SLC35D4: variants seen among roughly 807,000 people sequenced by gnomAD.
SLC35D4 encodes UDP-N-acetylglucosamine transporter SLC35D4.
the SLC35D4 span, among the ~76,000 whole-genome samples, chr18:23,372,737 GC>G: frequency 6.6e-6 from 1 of 152,078 alleles, no homozygotes; most frequent in Non-Finnish European, 1.5e-5. Flanking sequence ...CAGAGCCCTG[GC>G]CCCCCTGTGT....
At chr18:23,305,092 T>C in the SLC35D4 span, among the ~76,000 whole-genome samples, 1 of 152,228 alleles carries the variant, frequency 6.6e-6, no homozygotes, top group African/African-American at 2.4e-5. Context: ...GTTTAACTGA[T>C]TGATATTATG....
the SLC35D4 span, among the ~76,000 whole-genome samples, chr18:23,399,366 C>T: frequency 1.3e-5 from 2 of 152,248 alleles, no homozygotes; most frequent in Non-Finnish European, 2.9e-5. Context: ...TTCTGCTTCT[C>T]CCTGTGCATC....
the SLC35D4 span, among the ~76,000 whole-genome samples, chr18:23,301,986 T>C: frequency 6.6e-6 from 1 of 152,354 alleles, no homozygotes; most frequent in South Asian, 2.1e-4. Context: ...TTAAAAATAT[T>C]GAGTACTTCG....
chr18:23,266,915 T>G, the SLC35D4 span, among the ~76,000 whole-genome samples: 1 of 152,236 alleles, frequency 6.6e-6, no homozygotes, highest in Non-Finnish European at 1.5e-5. Context: ...GAGTGACTCC[T>G]GGTTCGCTGA....
chr18:23,286,803 G>A, the SLC35D4 span, among the ~76,000 whole-genome samples: 3 of 151,978 alleles, frequency 2.0e-5, no homozygotes, highest in African/African-American at 4.8e-5. Context: ...CACCTGCCCA[G>A]TTCCCTTATT....
At chr18:23,383,178 T>C in the SLC35D4 span, among the ~76,000 whole-genome samples, 5 of 151,982 alleles carry the variant, frequency 3.3e-5, no homozygotes, top group African/African-American at 1.2e-4. Context: ...GCAGGAGGTA[T>C]GGGCTGGAGA....
the SLC35D4 span, among the ~76,000 whole-genome samples, chr18:23,310,452 G>T: frequency 1.3e-5 from 2 of 152,160 alleles, no homozygotes; most frequent in African/African-American, 2.4e-5. Context: ...CCAAGAGAGT[G>T]TGTGAACCAG....
At chr18:23,275,256 C>T in the SLC35D4 span, among the ~76,000 whole-genome samples, 2 of 152,100 alleles carry the variant, frequency 1.3e-5, no homozygotes, top group Non-Finnish European at 1.5e-5. Context: ...GGCCAGGCTG[C>T]CAACAGACCT....
the SLC35D4 span, among the ~76,000 whole-genome samples, chr18:23,404,959 C>G: frequency 1.4e-5 from 2 of 140,280 alleles, no homozygotes; most frequent in Non-Finnish European, 3.0e-5. Context: ...GCTCTCCTCT[C>G]CAGCCTGGGG....
chr18:23,384,419 C>G, the SLC35D4 span, among the ~76,000 whole-genome samples: 147,754 of 152,316 alleles, frequency 0.97, 71,821 homozygotes, highest in East Asian at 1. Flanking sequence ...ACTAATTGTT[C>G]CTGATGTGCA....
chr18:23,327,322 AAG>A, the SLC35D4 span, among the ~76,000 whole-genome samples: 1 of 152,166 alleles, frequency 6.6e-6, no homozygotes, highest in East Asian at 1.9e-4. Context: ...TAAAGAAGAA[AAG>A]AGAGAAGAAT....
the SLC35D4 span, among the ~76,000 whole-genome samples, chr18:23,323,300 T>C: frequency 5.9e-5 from 9 of 152,266 alleles, no homozygotes; most frequent in Admixed American, 1.3e-4. Flanking sequence ...GTAATGGAGG[T>C]GAAAGAATAG....
chr18:23,315,579 A>G, the SLC35D4 span, among the ~76,000 whole-genome samples: 2 of 152,254 alleles, frequency 1.3e-5, no homozygotes, highest in Non-Finnish European at 2.9e-5. Flanking sequence ...AGAGCTGGTA[A>G]TATAACCTTT....
the SLC35D4 span, among the ~76,000 whole-genome samples, chr18:23,329,822 A>G: frequency 6.6e-6 from 1 of 152,254 alleles, no homozygotes; most frequent in Non-Finnish European, 1.5e-5. Flanking sequence ...TCCATCAATG[A>G]CAGACTGGAT....
the SLC35D4 span, among the ~76,000 whole-genome samples, chr18:23,306,400 G>A: frequency 5.9e-5 from 9 of 151,876 alleles, no homozygotes; most frequent in African/African-American, 1.7e-4. Flanking sequence ...TCCACCTCCC[G>A]GGTTCAAGCG....
chr18:23,390,328 C>T, the SLC35D4 span, among the ~76,000 whole-genome samples: 3 of 152,208 alleles, frequency 2.0e-5, no homozygotes, highest in Non-Finnish European at 4.4e-5. Flanking sequence ...AGGTCCTACT[C>T]TCTTTCATCA....
At chr18:23,266,230 G>A in the SLC35D4 span, among the ~76,000 whole-genome samples, 3 of 152,262 alleles carry the variant, frequency 2.0e-5, no homozygotes, top group East Asian at 3.9e-4. Context: ...TAGGCAGACC[G>A]TGCGGCCTTA....
At chr18:23,334,492 C>A in the SLC35D4 span, among the ~76,000 whole-genome samples, 2 of 152,324 alleles carry the variant, frequency 1.3e-5, no homozygotes, top group Admixed American at 6.5e-5. Flanking sequence ...TTATGTGATA[C>A]AAAGCAATTA....
chr18:23,308,402 C>T, the SLC35D4 span, among the ~76,000 whole-genome samples: 22 of 152,260 alleles, frequency 1.4e-4, no homozygotes, highest in South Asian at 1.9e-3. Context: ...ATGCCCAGTA[C>T]GCCTCCACCA....
Sources: gnomAD v4.1 joint callset for allele counts (sites outside exome capture counted in the v4.1 genomes callset) on GRCh38, gnomAD v4.1.1 for gene constraint, MANE v1.5 for transcripts, NCBI Gene and HGNC (gene_info 2026-07-23, HGNC 2026-07-21) for gene names.